NCKAP5: variants seen among roughly 807,000 people sequenced by gnomAD.
The protein encoded by NCKAP5 is nck-associated protein 5.
A neutral mutation model predicts 167.0 loss-of-function variants in NCKAP5; 92 were observed. The ratio of observed to expected loss-of-function variants is 0.55; its 90% CI spans 0.47 to 0.66. The LOEUF is 0.66. Ranked by LOEUF, NCKAP5 falls within the 30% of genes least tolerant of loss-of-function variation. The pLI, the probability that NCKAP5 is intolerant of heterozygous loss-of-function variation, is 0.00. For missense variants in NCKAP5, 2,378 were observed against 2,315.0 expected (o/e 1.03, Z -0.56); for synonymous variants, 891 against 877.4 (o/e 1.02, Z -0.27).
rs542877313 is a variant in NCKAP5, at chr2:132,794,314, G to A, written c.909+2314C>T. ...GAGAGAGAGAGAGAGAGAGGGTGGC[G>A]GGAAGAGAGAGAGAAAGAGAGAGAG... On this transcript the variant is annotated intron_variant, in intron 12 of 19. Transcript: ENST00000409261. Among the ~76,000 whole-genome samples the A allele has an allele frequency of 8.6e-4, 96 of 111,634 alleles. 1 individual carries two copies. The highest frequency in any genetic ancestry group is 5.2e-3 in the Middle Eastern group (1 of 194). 73.2% of individuals were successfully genotyped at this position (111,634 alleles called of 152,430 possible).
intron 8 of NCKAP5, among the ~76,000 whole-genome samples, chr2:132,879,860 G>GT (rs1380741000): frequency 6.6e-6 from 1 of 152,092 alleles, no homozygotes; most frequent in South Asian, 2.1e-4. Context: ...TAACTTCATA[G>GT]TTTTTTCCCA....
chr2:133,647,329 C>G, the NCKAP5 span, among the ~76,000 whole-genome samples: 2 of 104,098 alleles, frequency 1.9e-5, no homozygotes, highest in South Asian at 6.4e-4. Context: ...AGAGCAAGAC[C>G]GAAAAAAGAA....
At chr2:132,857,683 A>G (rs1030847223) in intron 11 of NCKAP5, among the ~76,000 whole-genome samples, 3 of 152,106 alleles carry the variant, frequency 2.0e-5, no homozygotes, top group African/African-American at 7.2e-5. Flanking sequence ...TTTAATATGG[A>G]GGGGGGTCTT....
intron 3 of NCKAP5, among the ~76,000 whole-genome samples, chr2:133,346,782 C>A (rs1684008023): frequency 6.6e-6 from 1 of 152,192 alleles, no homozygotes; most frequent in Non-Finnish European, 1.5e-5. Context: ...GGGCCACTTG[C>A]CAGTAGAGTG....
chr2:132,900,005 T>C (rs1287629414), intron 8 of NCKAP5, among the ~76,000 whole-genome samples: 2 of 152,184 alleles, frequency 1.3e-5, no homozygotes, highest in East Asian at 1.9e-4. Context: ...ATTACTGTTG[T>C]GTCTCAGGAA....
intron 4 of NCKAP5, among the ~76,000 whole-genome samples, chr2:133,216,573 T>A (rs1174185652): frequency 6.6e-6 from 1 of 152,164 alleles, no homozygotes; most frequent in Non-Finnish European, 1.5e-5. Flanking sequence ...TCTAAACTTC[T>A]ACTAGACTCA....
chr2:133,062,727 C>G (rs2080049468), intron 6 of NCKAP5, among the ~76,000 whole-genome samples: 1 of 152,042 alleles, frequency 6.6e-6, no homozygotes, highest in Admixed American at 6.6e-5. Flanking sequence ...AATTTTATTT[C>G]TGGTGAGATT....
At chr2:132,919,841 G>A (rs1292432814) in intron 8 of NCKAP5, among the ~76,000 whole-genome samples, 1 of 152,158 alleles carries the variant, frequency 6.6e-6, no homozygotes, top group East Asian at 1.9e-4. Flanking sequence ...AAAGTGACTG[G>A]AAGATGCTGA....
chr2:133,616,106 G>T, the NCKAP5 span, among the ~76,000 whole-genome samples: 94,757 of 151,124 alleles, frequency 0.63, 30,813 homozygotes, highest in Middle Eastern at 0.78. Flanking sequence ...AAACCAACGA[G>T]AACAAAGACA....
chr2:133,488,698 C>T (rs1027900965), intron 3 of NCKAP5, among the ~76,000 whole-genome samples: 11 of 151,906 alleles, frequency 7.2e-5, no homozygotes, highest in South Asian at 2.1e-4. Context: ...CTAAGGTGGG[C>T]GGATCATGAG....
chr2:133,614,170 G>A, the NCKAP5 span, among the ~76,000 whole-genome samples: 5 of 152,154 alleles, frequency 3.3e-5, no homozygotes, highest in Non-Finnish European at 5.9e-5. Context: ...AAAAAACTGT[G>A]AGCCCGCTTG....
chr2:133,440,705 G>A (rs1690784008), intron 3 of NCKAP5, among the ~76,000 whole-genome samples: 3 of 78,730 alleles, frequency 3.8e-5, no homozygotes, highest in East Asian at 9.6e-4. Context: ...GTGAGACTCT[G>A]TCTCAAAAAA....
At chr2:133,544,100 G>T (rs1342683249) in intron 2 of NCKAP5, among the ~76,000 whole-genome samples, 2 of 152,178 alleles carry the variant, frequency 1.3e-5, no homozygotes, top group Non-Finnish European at 2.9e-5. Flanking sequence ...GCGTTGATTT[G>T]TATCTTGAAT....
At position 133,398,951 on chromosome 2, in the gene NCKAP5, G is replaced by A. The variant is rs145983397; in HGVS notation, c.70-95841C>T. ...AGGGGAAGTTTATAAAGTGGAGCTG[G>A]GCTGGGAATTGGCATCACAGATAAT... On this transcript the variant is annotated intron_variant, in intron 3 of 19. Transcript: ENST00000409261. Among the ~76,000 whole-genome samples, 5 of 152,142 alleles carry A rather than the reference G, an allele frequency of 3.3e-5. 1 individual carries two copies. In the South Asian group the frequency reaches 8.3e-4, roughly 25 times the overall value.
intron 3 of NCKAP5, among the ~76,000 whole-genome samples, chr2:133,444,496 A>G (rs937698154): frequency 2.6e-5 from 4 of 152,266 alleles, no homozygotes; most frequent in African/African-American, 9.6e-5. Flanking sequence ...AGGGAAGTTG[A>G]GACTTGGCTT....
the NCKAP5 span, among the ~76,000 whole-genome samples, chr2:133,620,806 C>T: frequency 6.6e-6 from 1 of 152,258 alleles, no homozygotes; most frequent in South Asian, 2.1e-4. Context: ...TACCTAACAA[C>T]TGCAGAATAT....
chr2:133,384,392 C>A (rs1316939451), intron 3 of NCKAP5, among the ~76,000 whole-genome samples: 3 of 152,140 alleles, frequency 2.0e-5, no homozygotes, highest in Non-Finnish European at 4.4e-5. Context: ...TTTCTGAGGT[C>A]TCTGTTCTGT....
intron 3 of NCKAP5, among the ~76,000 whole-genome samples, chr2:133,486,434 C>T (rs1304637770): frequency 6.6e-6 from 1 of 152,192 alleles, no homozygotes; most frequent in Non-Finnish European, 1.5e-5. Context: ...CTCAAACCCC[C>T]ATGCAGTGAG....
intron 2 of NCKAP5, among the ~76,000 whole-genome samples, chr2:133,548,284 A>C (rs1340476976): frequency 1.3e-5 from 2 of 152,184 alleles, no homozygotes; most frequent in Non-Finnish European, 2.9e-5. Context: ...GGAGAATGGA[A>C]CCAAGTTGGA....
Sources: gnomAD v4.1 joint callset for allele counts (sites outside exome capture counted in the v4.1 genomes callset) on GRCh38, gnomAD v4.1.1 for gene constraint, MANE v1.5 for transcripts, NCBI Gene and HGNC (gene_info 2026-07-23, HGNC 2026-07-21) for gene names.